Variants in NTNG2 observed in about 807,000 individuals in gnomAD.
NTNG2 encodes netrin-G2.
In NTNG2, 15 loss-of-function variants were observed where a neutral mutation model predicts 47.6. That is an observed-to-expected ratio of 0.32 (90% CI 0.21 to 0.49). The LOEUF is 0.49. Ranked by LOEUF, NTNG2 falls within the 20% of genes least tolerant of loss-of-function variation. The pLI, the probability that NTNG2 is intolerant of heterozygous loss-of-function variation, is 0.99. For synonymous variants in NTNG2, 307 were observed against 324.6 expected (o/e 0.95, Z 0.58); for missense variants, 578 against 764.6 (o/e 0.76, Z 2.88).
intron 2 of NTNG2, among the ~76,000 whole-genome samples, chr9:132,195,413 A>AT (rs1273959881): frequency 6.7e-6 from 1 of 148,752 alleles, no homozygotes; most frequent in East Asian, 2.0e-4. Context: ...GGTTCATGCC[A>AT]TTCTCCTGCC....
Position 132,180,178 on chromosome 9 carries a change from G to A in NTNG2, c.213+13134G>A, listed in dbSNP as rs994576072. Among the ~76,000 whole-genome samples, 6 of 152,182 alleles carry A rather than the reference G, an allele frequency of 3.9e-5. No individual in the cohort carries two copies. The highest frequency in any genetic ancestry group is 1.4e-4 in the African/African-American group (6 of 41,432). The stretch of plus-strand genomic sequence containing the variant: ...TTCGTCCACTTGACTCCAAGAGTCG[G>A]CTGGGGAAATAAAAGGAAATGAAAC... On this transcript the variant is annotated intron_variant, in intron 2 of 7. Transcript: ENST00000393229. This position sits in a 1 kb window ranked among gnomAD's most constrained non-coding sequence, Gnocchi z 4.2.
rs544545753 is a variant in NTNG2 at position 132,166,569 on chromosome 9, A to C, written c.-263A>C. 3.3e-5 allele frequency: 17 copies of C among 514,156 alleles called. No homozygotes were observed. In the South Asian group the frequency reaches 3.4e-4, roughly 10 times the overall value. 31.8% of individuals were successfully genotyped at this position (514,156 alleles called of 1,614,324 possible). ...CCAGGGGAGGTGTGATACCAGGGTT[A>C]GGAGGACGTGAAGTTATGGGCAACT... On this transcript the variant is annotated 5_prime_UTR_variant, in exon 2 of 8. Coordinates refer to ENST00000393229, the MANE Select transcript of NTNG2 (RefSeq NM_032536.4).
At chr9:132,201,368 CAGAG>C (rs970829739) in intron 3 of NTNG2, among the ~76,000 whole-genome samples, 3 of 152,208 alleles carry the variant, frequency 2.0e-5, no homozygotes, top group African/African-American at 7.2e-5. Flanking sequence ...ACAATCAATT[CAGAG>C]AGAGAGTAAA....
intron 2 of NTNG2, among the ~76,000 whole-genome samples, chr9:132,168,248 C>T (rs1327303308): frequency 6.6e-6 from 1 of 152,242 alleles, no homozygotes; most frequent in Non-Finnish European, 1.5e-5. Flanking sequence ...GAGGCCGTCC[C>T]TGGCAGGGCA....
Position 132,162,906 on chromosome 9 carries a change from G to A in NTNG2, c.-484+667G>A, listed in dbSNP as rs186754629. 2.0e-5 allele frequency among the ~76,000 whole-genome samples: 3 copies of A among 152,116 alleles called. No individual in the cohort carries two copies. Among genetic ancestry groups the A allele is most frequent in the South Asian group, 2.1e-4 (1 of 4,832 alleles). ...ACCTGGAACTGAGCGGCGCGCAGGT[G>A]GGGGGAGCAGAGGCGGCGGGAAGGC... On this transcript the variant is annotated intron_variant, in intron 1 of 7. Transcript: ENST00000393229. This position sits in a 1 kb window ranked among gnomAD's most constrained non-coding sequence, Gnocchi z 4.6.
intron 3 of NTNG2, among the ~76,000 whole-genome samples, chr9:132,225,065 G>A (rs186715690): frequency 3.3e-5 from 5 of 152,092 alleles, no homozygotes; most frequent in Admixed American, 6.6e-5. Flanking sequence ...GATTACAGGT[G>A]CACCATCACA....
intron 2 of NTNG2, among the ~76,000 whole-genome samples, chr9:132,168,633 G>A (rs1483595434): frequency 2.6e-5 from 4 of 152,078 alleles, no homozygotes; most frequent in East Asian, 1.9e-4. Context: ...TAACTGCCCC[G>A]GGGACCGCAG....
At chr9:132,205,341 T>A (rs1008167188) in intron 3 of NTNG2, among the ~76,000 whole-genome samples, 3 of 152,058 alleles carry the variant, frequency 2.0e-5, no homozygotes, top group Non-Finnish European at 4.4e-5. Context: ...TGATGCTAAG[T>A]GAAATAAGCC....
intron 3 of NTNG2, 130 bp downstream of exon 3, chr9:132,198,739 T>A: frequency 1.0e-6 from 1 of 952,948 alleles, no homozygotes; most frequent in Non-Finnish European, 1.5e-6. Context: ...GTTACCTGGT[T>A]CCCTGGGCGT....
chr9:132,238,191 G>GC lies in NTNG2; in HGVS notation c.1055-906dup, dbSNP rs375839100. 5.2e-3 allele frequency among the ~76,000 whole-genome samples: 789 copies of GC among 152,156 alleles called. 6 individuals are homozygous for GC. Among genetic ancestry groups the GC allele is most frequent in the African/African-American group, 0.018 (746 of 41,464 alleles). ...TCCCTTCGTAGGAACATCAAGGGAT[G>GC]CCCCCCCATTCTTAGGGATGGTGAC... On this transcript the variant is annotated intron_variant, in intron 5 of 7. Coordinates refer to ENST00000393229, the MANE Select transcript of NTNG2 (RefSeq NM_032536.4).
In NTNG2 at chr9:132,162,688, C is replaced by T. The variant is rs1835161178; in HGVS notation, c.-484+449C>T. 6.6e-6 allele frequency among the ~76,000 whole-genome samples: 1 copy of T among 151,698 alleles called. No individual in the cohort carries two copies. The highest frequency in any genetic ancestry group is 2.1e-4 in the South Asian group (1 of 4,794). On this transcript the variant is annotated intron_variant, in intron 1 of 7. Coordinates refer to ENST00000393229, the MANE Select transcript of NTNG2 (RefSeq NM_032536.4). This position sits in a 1 kb window ranked among gnomAD's most constrained non-coding sequence, Gnocchi z 4.6. ...AAACTAACCCTGCTCCCGCGCCTCT[C>T]CCCCACCCCAATTCCACCGCCACCG... is the stretch of plus-strand genomic sequence containing the variant.
At chr9:132,217,971 C>T (rs555649136) in intron 3 of NTNG2, among the ~76,000 whole-genome samples, 118 of 152,296 alleles carry the variant, frequency 7.7e-4, no homozygotes, top group African/African-American at 2.6e-3. Context: ...GTGATGTGGC[C>T]GGTGTGGTCC....
intron 3 of NTNG2, among the ~76,000 whole-genome samples, chr9:132,199,105 C>T (rs1838547481): frequency 6.6e-6 from 1 of 152,112 alleles, no homozygotes; most frequent in Non-Finnish European, 1.5e-5. Flanking sequence ...AATGCCTGAG[C>T]TTTTCCACGG....
At chr9:132,194,279 C>T (rs1437625821) in intron 2 of NTNG2, among the ~76,000 whole-genome samples, 1 of 152,190 alleles carries the variant, frequency 6.6e-6, no homozygotes, top group African/African-American at 2.4e-5. Flanking sequence ...CTCCTCCTCC[C>T]GAGCGGCACA....
At chr9:132,168,484 T>G (rs566059863) in intron 2 of NTNG2, among the ~76,000 whole-genome samples, 2 of 152,232 alleles carry the variant, frequency 1.3e-5, no homozygotes, top group South Asian at 4.2e-4. Context: ...AGCTTCTTAC[T>G]CAGGCTTGTC....
rs1835219337 is a variant in NTNG2 at position 132,163,271 on chromosome 9, T to C, written c.-484+1032T>C. Among the ~76,000 whole-genome samples, 1 of 151,968 alleles carries C rather than the reference T, an allele frequency of 6.6e-6. No homozygotes were observed. The highest frequency in any genetic ancestry group is 1.5e-5 in the Non-Finnish European group (1 of 67,942). ...CCGGCCCGAAGCACTGACTCGACCCTGGCCCCGGCCTCGACCCCGCCCGCG... is the reference window on the plus strand; with the variant it reads ...CCGGCCCGAAGCACTGACTCGACCCCGGCCCCGGCCTCGACCCCGCCCGCG... On this transcript the variant is annotated intron_variant, in intron 1 of 7. Coordinates refer to ENST00000393229, the MANE Select transcript of NTNG2 (RefSeq NM_032536.4). This position sits in a 1 kb window ranked among gnomAD's most constrained non-coding sequence, Gnocchi z 7.2.
chr9:132,166,036 A>G (rs1293368776), intron 1 of NTNG2: 6 of 152,232 alleles, frequency 3.9e-5, no homozygotes, highest in Non-Finnish European at 7.3e-5. Context: ...AAGACAAGTC[A>G]GACCCCAGGT....
chr9:132,241,366 C>T, intron 7 of NTNG2: 1 of 382,480 alleles, frequency 2.6e-6, no homozygotes, highest in Non-Finnish European at 4.7e-6. Context: ...GGCAGGTGGG[C>T]GGGGACAGGA....
chr9:132,185,074 C>T (rs1837253593), intron 2 of NTNG2, among the ~76,000 whole-genome samples: 1 of 149,754 alleles, frequency 6.7e-6, no homozygotes, highest in African/African-American at 2.5e-5. Context: ...TGAGAATGGG[C>T]TGGGGGTGGG....
Sources: allele counts gnomAD v4.1 joint callset (sites outside exome capture counted in the v4.1 genomes callset), GRCh38; gene constraint gnomAD v4.1.1; non-coding constraint Gnocchi (gnomAD v3.1); transcripts MANE v1.5; gene names NCBI Gene and HGNC (gene_info 2026-07-23, HGNC 2026-07-21).